The following CNTNAP4 variants were observed in gnomAD, a reference collection of about 807,000 sequenced individuals.
The protein encoded by CNTNAP4 is contactin associated protein family member 4.
A neutral mutation model predicts 148.4 loss-of-function variants in CNTNAP4; 98 were observed. The ratio of observed to expected loss-of-function variants is 0.66; its 90% CI spans 0.56 to 0.78. The LOEUF (loss-of-function observed/expected upper bound fraction) is 0.78. Ranked by LOEUF, CNTNAP4 falls within the 30% of genes least tolerant of loss-of-function variation. CNTNAP4 has a pLI of 0.00. For synonymous variants in CNTNAP4, 730 were observed against 565.1 expected (o/e 1.29, Z -4.14); for missense variants, 1,935 against 1,565.6 (o/e 1.24, Z -3.98).
Position 76,521,170 on chromosome 16 carries a change from C to T in CNTNAP4, c.2396C>T (p.Thr799Ile). 6.2e-7 allele frequency: 1 copy of T among 1,602,812 alleles called. No individual in the cohort carries two copies. Among genetic ancestry groups the T allele is most frequent in the Non-Finnish European group, 8.5e-7 (1 of 1,176,772 alleles). Residue 799 changes from threonine (T) to isoleucine (I), a missense_variant, in exon 16 of 24, where the codon ACC (threonine) becomes ATC (isoleucine). Transcript: ENST00000611870. ...RSFWNSASFDTEASYLHFPTF... is the reference protein window; with the variant it reads ...RSFWNSASFDIEASYLHFPTF... ...TTTTGGAATTCAGCTTCCTTTGATA[C>T]CGAGGCTTCATATCTTCATTTTCCT...
intron 1 of CNTNAP4, among the ~76,000 whole-genome samples, chr16:76,300,400 G>A (rs1959830752): frequency 3.3e-5 from 5 of 152,160 alleles, no homozygotes; most frequent in East Asian, 1.9e-4. Flanking sequence ...AGGGCCTGTC[G>A]GGGTTGGGGT....
At chr16:76,523,238 G>GCCCCCC in intron 17 of CNTNAP4, among the ~76,000 whole-genome samples, 1 of 103,104 alleles carries the variant, frequency 9.7e-6, no homozygotes, top group Non-Finnish European at 2.0e-5. Flanking sequence ...CACTCCCCCG[G>GCCCCCC]CCCCCCCGCC....
chr16:76,332,424 G>C (rs1026483520), intron 2 of CNTNAP4, among the ~76,000 whole-genome samples: 3 of 152,020 alleles, frequency 2.0e-5, no homozygotes, highest in Non-Finnish European at 2.9e-5. Flanking sequence ...CACCACGCCA[G>C]ACTAATTTTT....
In CNTNAP4 at chr16:76,307,057, C is replaced by G. The variant is rs2143990624; in HGVS notation, c.86-9356C>G. Reference sequence around the variant, plus strand: ...TGATTACAATAGATGGTTAAGCACACAGCCATAGCCTAACAATAACAAAAG... The same window carrying G: ...TGATTACAATAGATGGTTAAGCACAGAGCCATAGCCTAACAATAACAAAAG... On this transcript the variant is annotated intron_variant, in intron 1 of 23. Coordinates refer to ENST00000611870, the MANE Select transcript of CNTNAP4 (RefSeq NM_033401.5). Among the ~76,000 whole-genome samples, 2 of 152,248 alleles carry G rather than the reference C, an allele frequency of 1.3e-5. 1 individual carries two copies. Among genetic ancestry groups the G allele is most frequent in the East Asian group, 3.9e-4 (2 of 5,174 alleles).
rs140433531 is a variant in CNTNAP4 at position 76,326,531 on chromosome 16, A to G, written c.196+10008A>G. 4.1e-4 allele frequency among the ~76,000 whole-genome samples: 63 copies of G among 152,270 alleles called. No homozygotes were observed. The East Asian group carries it at 0.012, about 28-fold the overall frequency. ...TATTGCGGCACTATTCACAATAGCA[A>G]AGACTTGGAACCAATCCAAATGTCC... On this transcript the variant is annotated intron_variant, in intron 2 of 23. Transcript: ENST00000611870.
chr16:76,452,565 T>A lies in CNTNAP4; in HGVS notation c.1129T>A (p.Ser377Thr), dbSNP rs144559073. Residue 377 changes from serine to threonine, a missense_variant, in exon 8 of 24, where the codon TCC becomes ACC. By Grantham distance (58) the Ser-to-Thr change is moderately conservative (BLOSUM62 1). Coordinates refer to ENST00000611870, the MANE Select transcript of CNTNAP4 (RefSeq NM_033401.5). The stretch of plus-strand genomic sequence containing the variant: ...ATCTATGCCCGTGACTTTTCTGAGC[T>A]CCAGGAGTTATTTAGCACTGCCAGA... ...PQSMPVTFLS[S>T]RSYLALPDFS... 5.8e-5 allele frequency: 93 copies of A among 1,613,924 alleles called. 1 individual carries two copies. The highest frequency in any genetic ancestry group is 4.4e-4 in the South Asian group (40 of 91,086).
chr16:76,286,856 T>C (rs533831933), intron 1 of CNTNAP4, among the ~76,000 whole-genome samples: 121 of 152,334 alleles, frequency 7.9e-4, no homozygotes, highest in African/African-American at 2.9e-3. Flanking sequence ...TGCCATGTTT[T>C]AGATGTTTAG....
At chr16:76,483,231 A>AACTTC (rs1167634774) in intron 12 of CNTNAP4, among the ~76,000 whole-genome samples, 23 of 140,014 alleles carry the variant, frequency 1.6e-4, no homozygotes, top group African/African-American at 6.0e-4. Context: ...AGTTTTAAGA[A>AACTTC]ACACACACAC....
intron 3 of CNTNAP4, among the ~76,000 whole-genome samples, chr16:76,416,822 A>G (rs2079002126): frequency 6.6e-6 from 1 of 151,416 alleles, no homozygotes; most frequent in Non-Finnish European, 1.5e-5. Flanking sequence ...TATTCCAACT[A>G]TAATAATGGA....
chr16:76,470,184 C>G (rs562940178), intron 10 of CNTNAP4, among the ~76,000 whole-genome samples: 7 of 152,116 alleles, frequency 4.6e-5, no homozygotes, highest in Non-Finnish European at 8.8e-5. Flanking sequence ...AGAGCCCAGC[C>G]TCTAACCCCA....
At chr16:76,435,961 T>A (rs891613959) in intron 4 of CNTNAP4, among the ~76,000 whole-genome samples, 2 of 152,132 alleles carry the variant, frequency 1.3e-5, no homozygotes, top group Non-Finnish European at 2.9e-5. Context: ...AGATTTCTCT[T>A]CATATAAATT....
chr16:76,535,259 C>G (rs2084165404), intron 17 of CNTNAP4, among the ~76,000 whole-genome samples: 1 of 152,096 alleles, frequency 6.6e-6, no homozygotes, highest in Non-Finnish European at 1.5e-5. Context: ...ATACATGTCA[C>G]TGTTATTTTC....
intron 15 of CNTNAP4, among the ~76,000 whole-genome samples, chr16:76,503,965 A>G (rs1014152228): frequency 1.3e-5 from 2 of 151,994 alleles, no homozygotes; most frequent in Admixed American, 6.5e-5. Flanking sequence ...TAAGAAAATT[A>G]TATTTAAAAA....
intron 1 of CNTNAP4, among the ~76,000 whole-genome samples, chr16:76,314,314 C>T (rs1961468766): frequency 6.6e-6 from 1 of 152,262 alleles, no homozygotes; most frequent in East Asian, 1.9e-4. Flanking sequence ...CAGAGCGAGT[C>T]CGCAGTGCAA....
intron 3 of CNTNAP4, among the ~76,000 whole-genome samples, chr16:76,402,967 C>G (rs1190185602): frequency 6.7e-6 from 1 of 149,854 alleles, no homozygotes; most frequent in Non-Finnish European, 1.5e-5. Context: ...ATTAAGCAAT[C>G]AATTTTAGAG....
chr16:76,480,133 A>G (rs1467463026), intron 12 of CNTNAP4, among the ~76,000 whole-genome samples: 1 of 152,192 alleles, frequency 6.6e-6, no homozygotes, highest in Non-Finnish European at 1.5e-5. Context: ...GTGCAATAAA[A>G]CAAGAGAAAG....
At chr16:76,339,055 G>T (rs539264683) in intron 2 of CNTNAP4, among the ~76,000 whole-genome samples, 1 of 152,128 alleles carries the variant, frequency 6.6e-6, no homozygotes, top group African/African-American at 2.4e-5. Context: ...TAAGCCCTTC[G>T]ACACAGTAGT....
At chr16:76,321,176 T>C (rs895940802) in intron 2 of CNTNAP4, among the ~76,000 whole-genome samples, 6 of 152,234 alleles carry the variant, frequency 3.9e-5, no homozygotes, top group Non-Finnish European at 7.4e-5. Flanking sequence ...GTTTTCCCAA[T>C]ACCTATAGAA....
chr16:76,334,226 A>G (rs1963820917), intron 2 of CNTNAP4, among the ~76,000 whole-genome samples: 1 of 152,016 alleles, frequency 6.6e-6, no homozygotes, highest in South Asian at 2.1e-4. Flanking sequence ...TTTGTCATGT[A>G]TAGTCTTTGA....
Sources: gnomAD v4.1 joint callset for allele counts (sites outside exome capture counted in the v4.1 genomes callset) on GRCh38, gnomAD v4.1.1 for gene constraint, MANE v1.5 for transcripts, NCBI Gene and HGNC (gene_info 2026-07-23, HGNC 2026-07-21) for gene names.